The following LRR1 variants were observed in gnomAD, a reference collection of about 807,000 sequenced individuals.
LRR1 encodes leucine rich repeat protein 1.
In LRR1, 29 loss-of-function variants were observed where a neutral mutation model predicts 31.6. That is an observed-to-expected ratio of 0.92 (90% CI 0.68 to 1.25). The LOEUF (loss-of-function observed/expected upper bound fraction) is 1.25, where lower values mean the gene tolerates loss of function less well. Ranked by LOEUF, LRR1 falls within the 50% of genes most tolerant of loss-of-function variation. LRR1 has a pLI of 0.00. For synonymous variants in LRR1, 179 were observed against 181.4 expected, an observed-to-expected ratio of 0.99 and a Z score of 0.10; for missense variants, 485 against 487.2, an observed-to-expected ratio of 1.00 and a Z score of 0.04.
rs1881930184 is a variant in LRR1, at chr14:49,599,097, T to C, written c.77T>C (p.Val26Ala). The C allele has an allele frequency of 6.2e-7, 1 of 1,607,486 alleles. No homozygotes were observed. The highest frequency in any genetic ancestry group is 8.5e-7 in the Non-Finnish European group (1 of 1,177,470). ...GGGCTTAGGAACCGGGGCAAGGGCG[T>C]CCGAGCCGTGTTGAGCCTCTGTCAG... ...ALGLRNRGKG[V>A]RAVLSLCQQT... is the part of the protein sequence containing the mutation. Residue 26 changes from valine (V) to alanine (A), a missense_variant, in exon 1 of 4, where the codon GTC (valine) becomes GCC (alanine). Around this residue, in one of 3 missense-constraint regions of LRR1, gnomAD observed 260 missense variants for 249.6 expected, o/e 1.04. Coordinates refer to ENST00000298288, the MANE Select transcript of LRR1 (RefSeq NM_152329.4).
Position 49,599,131 on chromosome 14 carries a change from C to CA in LRR1, c.112dup (p.Arg38LysfsTer24). 6.2e-7 allele frequency: 1 copy of CA among 1,608,550 alleles called. No individual in the cohort carries two copies. The highest frequency in any genetic ancestry group is 8.5e-7 in the Non-Finnish European group (1 of 1,177,980). On this transcript the variant is annotated frameshift_variant, in exon 1 of 4. Coordinates refer to ENST00000298288, the MANE Select transcript of LRR1 (RefSeq NM_152329.4). LOFTEE classifies it high-confidence loss of function. ...TGTTGAGCCTCTGTCAGCAGACTTC[C>CA]AGGAGTCAGCCGCCGGTCCGAGCCT...
At chr14:49,603,385 T>C (rs1356376889) in intron 2 of LRR1, among the ~76,000 whole-genome samples, 1 of 152,200 alleles carries the variant, frequency 6.6e-6, no homozygotes, top group African/African-American at 2.4e-5. Flanking sequence ...ACTGGAACTC[T>C]ATAAGGCAAC....
At chr14:49,600,633 A>G (rs1594583195) in intron 1 of LRR1, 3 of 1,488,904 alleles carry the variant, frequency 2.0e-6, no homozygotes, top group Non-Finnish European at 2.7e-6. Flanking sequence ...TCAGTGGCCA[A>G]GGAAACTGTC....
At chr14:49,601,868 C>T (rs1230520466) in intron 1 of LRR1, among the ~76,000 whole-genome samples, 1 of 151,058 alleles carries the variant, frequency 6.6e-6, no homozygotes, top group Non-Finnish European at 1.5e-5. Context: ...CGCCGTGGCT[C>T]ATGCCTGTAA....
intron 2 of LRR1, among the ~76,000 whole-genome samples, chr14:49,606,714 T>C (rs1320743465): frequency 6.6e-6 from 1 of 150,978 alleles, no homozygotes; most frequent in African/African-American, 2.4e-5. Flanking sequence ...TGGAGTGCAG[T>C]GGCACAATCT....
intron 2 of LRR1, 38 bp from the exon 3 acceptor site, chr14:49,607,362 C>T: frequency 2.0e-6 from 3 of 1,509,100 alleles, no homozygotes; most frequent in Non-Finnish European, 2.7e-6. Context: ...GTATTATCTC[C>T]AGTGGAATTT....
At position 49,608,028 on chromosome 14, in the gene LRR1, A is replaced by T. The variant is rs1376512403; in HGVS notation, c.911A>T (p.Asn304Ile). Reference protein sequence around the residue: ...LSLEYLDLFGNTFEQPKVLPV... With the variant: ...LSLEYLDLFGITFEQPKVLPV... The stretch of plus-strand genomic sequence containing the variant: ...CTTGAATACTTGGATCTTTTTGGAA[A>T]TACTTTTGAACAACCAAAAGTCCTT... The change falls in exon 3 of 4, where the codon AAT (asparagine) becomes ATT (isoleucine). Residue 304 changes from asparagine to isoleucine, a missense_variant. By Grantham distance (149) the Asn-to-Ile change is moderately radical. This residue lies in a region of LRR1 where 210 missense variants were observed against 200.4 expected (regional missense o/e 1.05). Coordinates refer to ENST00000298288, the MANE Select transcript of LRR1 (RefSeq NM_152329.4). 1.9e-6 allele frequency: 3 copies of T among 1,613,472 alleles called. No homozygotes were observed. The African/African-American group carries it at 4.0e-5, about 22-fold the overall frequency.
chr14:49,600,971 C>T (rs1882031895), intron 1 of LRR1: 2 of 1,585,784 alleles, frequency 1.3e-6, no homozygotes, highest in East Asian at 2.3e-5. Context: ...ACAGCCCTTA[C>T]AGAATCTGCA....
Position 49,599,010 on chromosome 14 carries a change from C to G in LRR1, c.-11C>G. 2 of 1,601,180 alleles carry G rather than the reference C, an allele frequency of 1.2e-6. No individual in the cohort carries two copies. The highest frequency in any genetic ancestry group is 1.7e-6 in the Non-Finnish European group (2 of 1,173,286). On this transcript the variant is annotated 5_prime_UTR_variant, in exon 1 of 4. Coordinates refer to ENST00000298288, the MANE Select transcript of LRR1 (RefSeq NM_152329.4). ...AAAGCCAGCTTGACGTGGTTGTGGC[C>G]GTTGGGCGAGATGAAGCTACACTGT...
intron 1 of LRR1, chr14:49,600,759 T>G (rs1437631080): frequency 1.3e-5 from 12 of 900,334 alleles, no homozygotes; most frequent in Non-Finnish European, 2.0e-5. Context: ...CTGTAAAGTT[T>G]ATTAAGAATG....
rs1882631684 is a variant in LRR1 at position 49,614,571 on chromosome 14, G to A, written c.*75G>A. On this transcript the variant is annotated 3_prime_UTR_variant, in exon 4 of 4. Transcript: ENST00000298288. ...ATGTATGATTTTGCAGCGTCAAATT[G>A]GAGTAAGGGAAGATTTCTGTATACT... 1 of 1,578,274 alleles carries A rather than the reference G, an allele frequency of 6.3e-7. No individual in the cohort carries two copies. Among genetic ancestry groups the A allele is most frequent in the African/African-American group, 1.3e-5 (1 of 74,242 alleles).
chr14:49,608,142 T>C (rs901716658), intron 3 of LRR1, 21 bp downstream of exon 3: 25 of 1,522,560 alleles, frequency 1.6e-5, no homozygotes, highest in Middle Eastern at 2.4e-4. Context: ...AATAGTCATG[T>C]AATGTGGTGT....
Position 49,598,994 on chromosome 14 carries a change from T to C in LRR1, c.-27T>C, listed in dbSNP as rs981983141. ...GGAAGGAGGAAGTTTCAAAGCCAGC[T>C]TGACGTGGTTGTGGCCGTTGGGCGA... On this transcript the variant is annotated 5_prime_UTR_variant, in exon 1 of 4. Coordinates refer to ENST00000298288, the MANE Select transcript of LRR1 (RefSeq NM_152329.4). 1 of 1,588,948 alleles carries C rather than the reference T, an allele frequency of 6.3e-7. No homozygotes were observed. The highest frequency in any genetic ancestry group is 8.6e-7 in the Non-Finnish European group (1 of 1,166,452).
At chr14:49,602,546 A>T (rs984866819) in intron 2 of LRR1, 78 bp downstream of exon 2, 21 of 1,233,256 alleles carry the variant, frequency 1.7e-5, no homozygotes, top group Non-Finnish European at 2.3e-5. Context: ...TTGTTCTGTC[A>T]CCCAAGCTGA....
rs117286874 is a variant in LRR1 at position 49,610,111 on chromosome 14, C to T, written c.1004+1990C>T. ...TAATACCCACCTTATAGAGTTGTGACGATAAATGAGCTAATGTAATGCCAA... is the reference window on the plus strand; with the variant it reads ...TAATACCCACCTTATAGAGTTGTGATGATAAATGAGCTAATGTAATGCCAA... On this transcript the variant is annotated intron_variant, in intron 3 of 3. Coordinates refer to ENST00000298288, the MANE Select transcript of LRR1 (RefSeq NM_152329.4). 1.1e-3 allele frequency among the ~76,000 whole-genome samples: 171 copies of T among 152,248 alleles called. 3 individuals are homozygous for T. The East Asian group carries it at 0.019, about 17-fold the overall frequency.
In LRR1 at chr14:49,607,519, T is replaced by C; in HGVS notation, c.402T>C (p.Phe134=). 1.2e-6 allele frequency: 2 copies of C among 1,614,138 alleles called. No individual in the cohort carries two copies. Among genetic ancestry groups the C allele is most frequent in the Non-Finnish European group, 1.7e-6 (2 of 1,180,006 alleles). ...TGAAGACTTCAGAATTTGAAAACTT[T>C]AAAACTAAAATGGTTATCACATCCA... The part of the protein sequence containing the change: ...TPVKTSEFEN[F]KTKMVITSKK... The change falls in exon 3 of 4, where the codon TTT becomes TTC. Residue 134 remains phenylalanine, a synonymous_variant. Transcript: ENST00000298288.
At chr14:49,608,765 C>T (rs1212880516) in intron 3 of LRR1, among the ~76,000 whole-genome samples, 1 of 151,928 alleles carries the variant, frequency 6.6e-6, no homozygotes, top group East Asian at 1.9e-4. Context: ...TGGGGTCCAG[C>T]TGTGTCTTAG....
chr14:49,601,515 C>A, intron 1 of LRR1: 1 of 827,212 alleles, frequency 1.2e-6, no homozygotes, highest in Non-Finnish European at 1.8e-6. Flanking sequence ...TTTTTGAGCA[C>A]TCATTATGTG....
intron 1 of LRR1, chr14:49,601,758 A>G: frequency 9.3e-7 from 1 of 1,080,472 alleles, no homozygotes; most frequent in Non-Finnish European, 1.2e-6. Flanking sequence ...GAGTTACTGG[A>G]CAGACAGAGC....
Sources: gnomAD v4.1 joint callset for allele counts (sites outside exome capture counted in the v4.1 genomes callset) on GRCh38, gnomAD v4.1.1 for gene constraint, gnomAD v4.1.1 regional missense constraint, MANE v1.5 for transcripts, NCBI Gene and HGNC (gene_info 2026-07-23, HGNC 2026-07-21) for gene names.